The following EIF4G3 variants were observed in gnomAD, a reference collection of about 807,000 sequenced individuals.
EIF4G3 encodes the protein eukaryotic translation initiation factor 4 gamma 3.
Under a neutral mutation model 186.4 loss-of-function variants are expected in EIF4G3, and 34 were observed. The observed-to-expected ratio is 0.18, with a 90% CI of 0.14 to 0.24. The LOEUF (loss-of-function observed/expected upper bound fraction) is 0.24, where lower values mean the gene tolerates loss of function less well. Ranked by LOEUF, EIF4G3 falls within the 10% of genes least tolerant of loss-of-function variation. The pLI is 1.00. For synonymous variants in EIF4G3, 673 were observed against 679.5 expected, an observed-to-expected ratio of 0.99 and a Z score of 0.15; for missense variants, 1,536 against 1,948.5, an observed-to-expected ratio of 0.79 and a Z score of 3.99.
chr1:21,089,303 A>C, intron 2 of EIF4G3, 90 bp from the exon 3 acceptor site: 1 of 682,654 alleles, frequency 1.5e-6, no homozygotes, highest in African/African-American at 1.8e-5. Flanking sequence ...CCAACGACCT[A>C]AGCATTTTCA....
intron 20 of EIF4G3, among the ~76,000 whole-genome samples, chr1:20,869,019 A>G (rs2078363842): frequency 6.6e-6 from 1 of 152,188 alleles, no homozygotes; most frequent in Non-Finnish European, 1.5e-5. Flanking sequence ...AAAAGGATCA[A>G]ATTCTAGAGA....
chr1:21,019,794 G>A (rs1369901620), intron 4 of EIF4G3, among the ~76,000 whole-genome samples: 4 of 152,196 alleles, frequency 2.6e-5, no homozygotes, highest in Non-Finnish European at 5.9e-5. Context: ...TGAGGCAGGA[G>A]AATCGCTTGA....
chr1:20,998,626 G>A (rs923940682), intron 6 of EIF4G3, among the ~76,000 whole-genome samples: 1 of 151,958 alleles, frequency 6.6e-6, no homozygotes, highest in African/African-American at 2.4e-5. Flanking sequence ...GCCAAATTTG[G>A]GTTTGAATAC....
Position 21,002,700 on chromosome 1 carries a change from T to C in EIF4G3, c.30+13A>G. On this transcript the variant is annotated intron_variant, in intron 5 of 36. Transcript: ENST00000602326. Reference sequence around the variant, plus strand: ...TAGAGAATGTAATTTGGTTCAAGCTTCTGCTTACTTACCGGAGAACGGGTT... The same window carrying C: ...TAGAGAATGTAATTTGGTTCAAGCTCCTGCTTACTTACCGGAGAACGGGTT... The C allele has an allele frequency of 1.2e-6, 2 of 1,612,984 alleles. No individual in the cohort carries two copies. The highest frequency in any genetic ancestry group is 1.7e-6 in the Non-Finnish European group (2 of 1,179,528).
intron 2 of EIF4G3, among the ~76,000 whole-genome samples, chr1:21,166,590 G>T (rs1203292545): frequency 6.6e-6 from 1 of 152,032 alleles, no homozygotes; most frequent in East Asian, 1.9e-4. Flanking sequence ...CCCCAATGTG[G>T]TGGCGTGCAC....
intron 3 of EIF4G3, among the ~76,000 whole-genome samples, chr1:21,074,925 T>A (rs1250678859): frequency 6.6e-6 from 1 of 152,024 alleles, no homozygotes; most frequent in African/African-American, 2.4e-5. Flanking sequence ...AAGTAAAGTA[T>A]TCGCCGGGGT....
At chr1:21,027,066 C>T (rs1053734001) in intron 4 of EIF4G3, among the ~76,000 whole-genome samples, 5 of 151,374 alleles carry the variant, frequency 3.3e-5, no homozygotes, top group African/African-American at 1.2e-4. Context: ...AAAAGACATA[C>T]ACAAATGGCC....
chr1:20,837,104 T>C (rs988086663), intron 30 of EIF4G3, among the ~76,000 whole-genome samples: 1 of 152,192 alleles, frequency 6.6e-6, no homozygotes, highest in Non-Finnish European at 1.5e-5. Context: ...ATTTGAAACT[T>C]TTGTCTATTT....
chr1:20,878,382 C>T (rs1028823287), intron 20 of EIF4G3, among the ~76,000 whole-genome samples: 6 of 152,128 alleles, frequency 3.9e-5, no homozygotes, highest in African/African-American at 1.2e-4. Context: ...ACTTATTTTT[C>T]GGTCTAACCA....
intron 4 of EIF4G3, among the ~76,000 whole-genome samples, chr1:21,025,844 C>CT (rs1481463737): frequency 2.0e-5 from 3 of 152,104 alleles, no homozygotes; most frequent in Non-Finnish European, 4.4e-5. Flanking sequence ...CCAGAATGAA[C>CT]TAAGAATCAG....
chr1:20,960,293 C>T (rs948800706), intron 12 of EIF4G3, among the ~76,000 whole-genome samples: 1 of 152,094 alleles, frequency 6.6e-6, no homozygotes, highest in African/African-American at 2.4e-5. Flanking sequence ...AGGCGAAACC[C>T]TGTCTCTACT....
intron 4 of EIF4G3, among the ~76,000 whole-genome samples, chr1:21,044,266 T>C (rs2093747651): frequency 6.6e-6 from 1 of 152,146 alleles, no homozygotes; most frequent in African/African-American, 2.4e-5. Flanking sequence ...ATTAAACACT[T>C]TACAAATAAC....
chr1:20,861,969 A>G (rs1308208118), intron 23 of EIF4G3, among the ~76,000 whole-genome samples: 1 of 151,220 alleles, frequency 6.6e-6, no homozygotes, highest in Admixed American at 6.6e-5. Flanking sequence ...GTGAGACTCT[A>G]TCTCAAAAAA....
At chr1:20,976,167 TTTTA>T (rs144068009) in intron 10 of EIF4G3, among the ~76,000 whole-genome samples, 13,488 of 151,500 alleles carry the variant, frequency 0.089, 836 homozygotes, top group East Asian at 0.26. Context: ...TGTATTTTTA[TTTTA>T]TTTATTTATT....
intron 4 of EIF4G3, among the ~76,000 whole-genome samples, chr1:21,046,504 T>C (rs1421198878): frequency 2.6e-5 from 4 of 152,234 alleles, no homozygotes; most frequent in African/African-American, 9.6e-5. Context: ...TTCAAAGTTA[T>C]GAAGTTCACT....
intron 3 of EIF4G3, among the ~76,000 whole-genome samples, chr1:21,071,762 C>T (rs1177147771): frequency 3.3e-5 from 5 of 150,178 alleles, no homozygotes; most frequent in South Asian, 2.1e-4. Flanking sequence ...GTCAAGATTG[C>T]GCCACTGCAC....
intron 2 of EIF4G3, among the ~76,000 whole-genome samples, chr1:21,171,843 T>C (rs2097980139): frequency 6.6e-6 from 1 of 152,092 alleles, no homozygotes; most frequent in African/African-American, 2.4e-5. Context: ...CAAAACCAGA[T>C]TTTTTGCCTC....
At chr1:20,857,020 G>A (rs940174793) in intron 25 of EIF4G3, among the ~76,000 whole-genome samples, 6 of 151,794 alleles carry the variant, frequency 4.0e-5, no homozygotes, top group South Asian at 2.1e-4. Context: ...AAAATTAGCC[G>A]GGTGTGGTGA....
chr1:20,972,757 T>C (rs1320038261), intron 11 of EIF4G3, among the ~76,000 whole-genome samples: 1 of 152,178 alleles, frequency 6.6e-6, no homozygotes, highest in East Asian at 1.9e-4. Context: ...GTGGAGTACA[T>C]GTTGTCATGT....
Sources: gnomAD v4.1 joint callset for allele counts (sites outside exome capture counted in the v4.1 genomes callset) on GRCh38, gnomAD v4.1.1 for gene constraint, MANE v1.5 for transcripts, NCBI Gene and HGNC (gene_info 2026-07-23, HGNC 2026-07-21) for gene names.